Variants in KCNIP4 observed in about 807,000 individuals in gnomAD.
KCNIP4 encodes Kv channel-interacting protein 4.
KCNIP4 carries 12 observed loss-of-function variants against 34.0 expected under a neutral mutation model. That is an observed-to-expected ratio of 0.35 (90% CI 0.23 to 0.57). The LOEUF (loss-of-function observed/expected upper bound fraction) is 0.57. Among genes scored for constraint, KCNIP4 ranks in the 20% least tolerant of loss-of-function variants. The pLI, the probability that KCNIP4 is intolerant of heterozygous loss-of-function variation, is 0.83. For synonymous variants in KCNIP4, 124 were observed against 102.2 expected (o/e 1.21, Z -1.29); for missense variants, 238 against 311.7 (o/e 0.76, Z 1.78).
chr4:20,961,164 T>G (rs924418478), intron 1 of KCNIP4, among the ~76,000 whole-genome samples: 3 of 152,188 alleles, frequency 2.0e-5, no homozygotes, highest in Admixed American at 1.3e-4. Context: ...AAAAAATGTT[T>G]ATTTTTTCTA....
At chr4:20,918,468 T>A (rs908454174) in intron 1 of KCNIP4, among the ~76,000 whole-genome samples, 1 of 152,168 alleles carries the variant, frequency 6.6e-6, no homozygotes, top group Admixed American at 6.5e-5. Flanking sequence ...TTTTTTCTCT[T>A]TTAATACTTT....
chr4:20,757,731 G>A lies in KCNIP4; in HGVS notation c.358+1090C>T, dbSNP rs138110473. ...CGAAAGACTATACACTTTGGAAATG[G>A]ATCAAACTCTCTGCACCTTAGTTTC... is the stretch of plus-strand genomic sequence containing the variant. On this transcript the variant is annotated intron_variant, in intron 4 of 8. Coordinates refer to ENST00000382152, the MANE Select transcript of KCNIP4 (RefSeq NM_025221.6). Among the ~76,000 whole-genome samples the A allele has an allele frequency of 3.2e-3, 484 of 152,252 alleles. 1 individual carries two copies. The highest frequency in any genetic ancestry group is 0.017 in the Middle Eastern group (5 of 294).
chr4:21,303,811 TA>T, intron 1 of KCNIP4: 3 of 1,613,640 alleles, frequency 1.9e-6, no homozygotes, highest in Non-Finnish European at 2.5e-6. Flanking sequence ...CCTTACCTTC[TA>T]AACCTGCTTC....
At chr4:21,487,319 T>C (rs763329956) in intron 1 of KCNIP4, among the ~76,000 whole-genome samples, 5 of 152,166 alleles carry the variant, frequency 3.3e-5, no homozygotes, top group Non-Finnish European at 5.9e-5. Context: ...TTGTCATATA[T>C]TTTTCTCATG....
intron 1 of KCNIP4, among the ~76,000 whole-genome samples, chr4:21,408,730 A>G (rs941321528): frequency 3.3e-5 from 5 of 152,184 alleles, no homozygotes; most frequent in African/African-American, 1.2e-4. Context: ...TCAACAACCA[A>G]GTTGTGGGTC....
At chr4:21,391,681 T>A (rs1349981326) in intron 1 of KCNIP4, among the ~76,000 whole-genome samples, 2 of 152,172 alleles carry the variant, frequency 1.3e-5, no homozygotes, top group African/African-American at 4.8e-5. Flanking sequence ...TTTCCCAGTG[T>A]CCTACAGGAA....
chr4:21,947,634 G>C (rs889122905), intron 1 of KCNIP4, among the ~76,000 whole-genome samples: 1 of 152,168 alleles, frequency 6.6e-6, no homozygotes, highest in African/African-American at 2.4e-5. Flanking sequence ...TTGCTTGCAA[G>C]TTTACAGCCC....
chr4:21,863,875 T>C (rs866974513), intron 1 of KCNIP4, among the ~76,000 whole-genome samples: 16 of 152,232 alleles, frequency 1.1e-4, no homozygotes, highest in Admixed American at 2.6e-4. Context: ...TTATCTATTA[T>C]ATGTGAAGAG....
At chr4:21,798,414 T>C (rs866167396) in intron 1 of KCNIP4, among the ~76,000 whole-genome samples, 3 of 137,176 alleles carry the variant, frequency 2.2e-5, no homozygotes, top group Non-Finnish European at 3.0e-5. Context: ...CATATATATA[T>C]ATATATATAT....
chr4:21,700,169 A>G (rs113716819), intron 1 of KCNIP4, among the ~76,000 whole-genome samples: 4,026 of 152,282 alleles, frequency 0.026, 161 homozygotes, highest in African/African-American at 0.09. Context: ...CTGTATTCTA[A>G]AATAGCTGTA....
chr4:21,166,963 AAG>A (rs1753676350), intron 1 of KCNIP4, among the ~76,000 whole-genome samples: 3 of 150,466 alleles, frequency 2.0e-5, no homozygotes, highest in African/African-American at 7.3e-5. Flanking sequence ...AAAAAAAAAA[AAG>A]AAGTGAGTGG....
intron 1 of KCNIP4, among the ~76,000 whole-genome samples, chr4:21,904,801 A>G (rs929001417): frequency 1.3e-5 from 2 of 152,178 alleles, no homozygotes; most frequent in Non-Finnish European, 1.5e-5. Flanking sequence ...TCCATCCAAT[A>G]GATGGCCTAA....
intron 1 of KCNIP4, among the ~76,000 whole-genome samples, chr4:21,117,989 T>C (rs889800921): frequency 1.3e-5 from 2 of 152,122 alleles, no homozygotes; most frequent in Non-Finnish European, 2.9e-5. Flanking sequence ...GAACTGACAT[T>C]ATAAAGTGAC....
At chr4:21,249,876 A>G (rs958592619) in intron 1 of KCNIP4, among the ~76,000 whole-genome samples, 3 of 152,130 alleles carry the variant, frequency 2.0e-5, no homozygotes, top group Non-Finnish European at 4.4e-5. Flanking sequence ...CCCTTTAAAC[A>G]TTCAATAAGC....
chr4:20,824,481 A>G (rs931402800), intron 3 of KCNIP4, among the ~76,000 whole-genome samples: 10 of 152,128 alleles, frequency 6.6e-5, no homozygotes, highest in Non-Finnish European at 8.8e-5. Flanking sequence ...AGAAATCAAG[A>G]CCATCCTGGC....
At chr4:21,149,322 T>C (rs930117444) in intron 1 of KCNIP4, among the ~76,000 whole-genome samples, 9 of 152,214 alleles carry the variant, frequency 5.9e-5, no homozygotes, top group African/African-American at 2.2e-4. Flanking sequence ...TTGAAAACTC[T>C]CTGTTTTCAA....
chr4:21,333,872 G>T (rs1054019386), intron 1 of KCNIP4, among the ~76,000 whole-genome samples: 1 of 152,138 alleles, frequency 6.6e-6, no homozygotes. Flanking sequence ...GCAATCTTCT[G>T]CTGTTCTTTA....
chr4:20,731,803 G>A, intron 8 of KCNIP4: 1 of 985,374 alleles, frequency 1.0e-6, no homozygotes, highest in Non-Finnish European at 1.2e-6. Flanking sequence ...TTCCTCCATA[G>A]CCTGACTCAG....
chr4:21,272,135 A>G (rs1026691981), intron 1 of KCNIP4, among the ~76,000 whole-genome samples: 13 of 152,126 alleles, frequency 8.5e-5, no homozygotes, highest in African/African-American at 3.1e-4. Flanking sequence ...GCTGGGTTCC[A>G]TTCATAGCTA....
Sources: allele counts gnomAD v4.1 joint callset (sites outside exome capture counted in the v4.1 genomes callset), GRCh38; gene constraint gnomAD v4.1.1; transcripts MANE v1.5; gene names NCBI Gene and HGNC (gene_info 2026-07-23, HGNC 2026-07-21).